The following STT3B variants were observed in gnomAD, a reference collection of about 807,000 sequenced individuals.
STT3B encodes dolichyl-diphosphooligosaccharide--protein glycosyltransferase subunit STT3B.
In STT3B, 29 loss-of-function variants were observed where a neutral mutation model predicts 96.8. The observed-to-expected ratio is 0.30, with a 90% confidence interval of 0.22 to 0.41. STT3B has a LOEUF of 0.41. Ranked by LOEUF, STT3B falls within the 10% of genes least tolerant of loss-of-function variation. The probability of loss-of-function intolerance (pLI) is 1.00; values close to 1 mark genes in which losing one functional copy is unlikely to be tolerated. For missense variants in STT3B, 640 were observed against 1,022.3 expected (o/e 0.63, Z 5.10); for synonymous variants, 367 against 360.0 (o/e 1.02, Z -0.22).
intron 14 of STT3B, among the ~76,000 whole-genome samples, chr3:31,632,571 G>A (rs1699685986): frequency 6.6e-6 from 1 of 151,954 alleles, no homozygotes; most frequent in South Asian, 2.1e-4. Flanking sequence ...AGGATAGATA[G>A]TGCAAGGCCC....
At chr3:31,556,873 G>A (rs1191945002) in intron 1 of STT3B, among the ~76,000 whole-genome samples, 1 of 152,104 alleles carries the variant, frequency 6.6e-6, no homozygotes, top group Non-Finnish European at 1.5e-5. Flanking sequence ...CCTTTGCTGT[G>A]CAGAGTTTTT....
intron 5 of STT3B, among the ~76,000 whole-genome samples, chr3:31,601,353 G>T (rs916066905): frequency 6.6e-6 from 1 of 152,108 alleles, no homozygotes; most frequent in African/African-American, 2.4e-5. Context: ...TCATACAATG[G>T]TGTATTATTA....
At chr3:31,587,173 T>G (rs181124722) in intron 3 of STT3B, among the ~76,000 whole-genome samples, 22 of 152,238 alleles carry the variant, frequency 1.4e-4, no homozygotes, top group African/African-American at 4.6e-4. Context: ...ATTATAAAAT[T>G]TATCCTCTTA....
chr3:31,536,468 A>G (rs1334195540), intron 1 of STT3B, among the ~76,000 whole-genome samples: 1 of 152,122 alleles, frequency 6.6e-6, no homozygotes, highest in Non-Finnish European at 1.5e-5. Flanking sequence ...CAATGGTTTC[A>G]TTTCTGCAAG....
chr3:31,590,921 G>C (rs2125458489), intron 3 of STT3B, among the ~76,000 whole-genome samples: 1 of 152,192 alleles, frequency 6.6e-6, no homozygotes, highest in African/African-American at 2.4e-5. Flanking sequence ...ATCCTGGACA[G>C]TGATCCACAT....
intron 9 of STT3B, among the ~76,000 whole-genome samples, chr3:31,621,629 C>T (rs1699431562): frequency 6.6e-6 from 1 of 152,168 alleles, no homozygotes. Flanking sequence ...TTGGCAGTAA[C>T]TTTGCAGGTT....
intron 14 of STT3B, among the ~76,000 whole-genome samples, chr3:31,629,780 A>G (rs1308295870): frequency 6.6e-6 from 1 of 152,120 alleles, no homozygotes; most frequent in Non-Finnish European, 1.5e-5. Context: ...AAAAGCTTAA[A>G]ATTAAAGATT....
intron 1 of STT3B, among the ~76,000 whole-genome samples, chr3:31,541,338 G>T (rs930379641): frequency 6.6e-6 from 1 of 152,126 alleles, no homozygotes. Flanking sequence ...TGACTTTATA[G>T]TGATGACATC....
chr3:31,618,322 T>C, intron 8 of STT3B, among the ~76,000 whole-genome samples: 1 of 152,114 alleles, frequency 6.6e-6, no homozygotes, highest in Middle Eastern at 3.4e-3. Flanking sequence ...AATTTTTTAT[T>C]CTTAAGAATT....
intron 4 of STT3B, among the ~76,000 whole-genome samples, chr3:31,597,837 A>T (rs1343356358): frequency 1.9e-5 from 2 of 106,882 alleles, no homozygotes; most frequent in African/African-American, 5.3e-5. Flanking sequence ...CATTATTATT[A>T]TTATTATTTT....
intron 1 of STT3B, among the ~76,000 whole-genome samples, chr3:31,574,433 C>G (rs1396882085): frequency 1.3e-5 from 2 of 152,072 alleles, no homozygotes; most frequent in Non-Finnish European, 2.9e-5. Context: ...CCTTTTAAGC[C>G]TTTAGATAGA....
intron 1 of STT3B, among the ~76,000 whole-genome samples, chr3:31,535,648 G>T (rs1697072383): frequency 6.6e-6 from 1 of 152,082 alleles, no homozygotes; most frequent in African/African-American, 2.4e-5. Flanking sequence ...TCTCGAACCC[G>T]GGAGGCGAAG....
At position 31,533,254 on chromosome 3, in the gene STT3B, A is replaced by T; in HGVS notation, c.256A>T (p.Ser86Cys). ...CTTCCTGGCCTGGCTTGCCGGCTTC[A>T]GCTCGCGCCTCTTCGCCGTCATCCG... is the stretch of plus-strand genomic sequence containing the variant. ...ILFLAWLAGFSSRLFAVIRFE... is the reference protein window; with the variant it reads ...ILFLAWLAGFCSRLFAVIRFE... The change falls in exon 1 of 16, where the codon AGC becomes TGC. Residue 86 changes from serine (S) to cysteine (C), a missense_variant. Physicochemically the swap from Ser to Cys is moderately radical, Grantham distance 112. Coordinates refer to ENST00000295770, the MANE Select transcript of STT3B (RefSeq NM_178862.3). The T allele has an allele frequency of 6.6e-7, 1 of 1,514,864 alleles. No individual in the cohort carries two copies. The highest frequency in any genetic ancestry group is 8.8e-7 in the Non-Finnish European group (1 of 1,131,504). The allele number at this position is 1,514,864 out of a possible 1,614,324, so 93.8% of individuals were successfully genotyped here. A position where few individuals can be genotyped will look rare whatever the true frequency, so the allele number is the denominator to read the frequency against.
intron 3 of STT3B, among the ~76,000 whole-genome samples, chr3:31,582,658 T>G (rs151254162): frequency 1.1e-3 from 161 of 152,224 alleles, no homozygotes; most frequent in African/African-American, 3.2e-3. Context: ...TGAGATTTTT[T>G]TTTTTGTTTT....
In STT3B at chr3:31,636,077, G is replaced by T. The variant is rs1448914431; in HGVS notation, c.*13G>T. 2 of 1,581,458 alleles carry T rather than the reference G, an allele frequency of 1.3e-6. No homozygotes were observed. Among genetic ancestry groups the T allele is most frequent in the Non-Finnish European group, 1.7e-6 (2 of 1,164,300 alleles). On this transcript the variant is annotated 3_prime_UTR_variant, in exon 16 of 16. Coordinates refer to ENST00000295770, the MANE Select transcript of STT3B (RefSeq NM_178862.3). The stretch of plus-strand genomic sequence containing the variant: ...GAAGACTGTTTAAATGCACTGTTCT[G>T]GTTCCTAACTTGAAGCAGTTGTCCT...
At position 31,633,086 on chromosome 3, in the gene STT3B, C is replaced by T. The variant is rs1326876124; in HGVS notation, c.2339C>T (p.Thr780Ile). The change falls in exon 15 of 16, where the codon ACA becomes ATA. Residue 780 changes from threonine (T) to isoleucine (I), a missense_variant. Physicochemically the swap from Thr to Ile is moderately conservative, Grantham distance 89 (BLOSUM62 -1). Coordinates refer to ENST00000295770, the MANE Select transcript of STT3B (RefSeq NM_178862.3). Reference protein sequence around the residue: ...YKVKAPDNRETLDHKPRVTNI... With the variant: ...YKVKAPDNREILDHKPRVTNI... ...GTAAAAGCACCTGATAACAGGGAGA[C>T]ATTAGATCACAAACCTCGAGTCACC... is the stretch of plus-strand genomic sequence containing the variant. The T allele has an allele frequency of 2.5e-6, 4 of 1,613,938 alleles. No individual in the cohort carries two copies. Among genetic ancestry groups the T allele is most frequent in the Non-Finnish European group, 3.4e-6 (4 of 1,179,974 alleles).
intron 1 of STT3B, among the ~76,000 whole-genome samples, chr3:31,570,716 A>T (rs1327016672): frequency 3.3e-5 from 5 of 152,220 alleles, no homozygotes; most frequent in Admixed American, 2.6e-4. Flanking sequence ...GGGAAGAGAC[A>T]TCTAAGTATG....
intron 1 of STT3B, among the ~76,000 whole-genome samples, chr3:31,574,059 C>T (rs185452549): frequency 6.6e-6 from 1 of 152,212 alleles, no homozygotes. Flanking sequence ...CTCATGGTTC[C>T]TGGTTTTTAA....
intron 1 of STT3B, among the ~76,000 whole-genome samples, chr3:31,553,613 G>A (rs1267475892): frequency 6.6e-6 from 1 of 152,152 alleles, no homozygotes; most frequent in African/African-American, 2.4e-5. Flanking sequence ...AGTGCCTAAA[G>A]GTGCATGTGG....
Sources: gnomAD v4.1 joint callset for allele counts (sites outside exome capture counted in the v4.1 genomes callset) on GRCh38, gnomAD v4.1.1 for gene constraint, MANE v1.5 for transcripts, NCBI Gene and HGNC (gene_info 2026-07-23, HGNC 2026-07-21) for gene names.